SMCHD1: variants seen among roughly 807,000 people sequenced by gnomAD.
SMCHD1 encodes the protein structural maintenance of chromosomes flexible hinge domain containing 1.
SMCHD1 carries 78 observed loss-of-function variants against 254.7 expected under a neutral mutation model. The ratio of observed to expected loss-of-function variants is 0.31; its 90% CI spans 0.26 to 0.37. SMCHD1 has a LOEUF of 0.37. Ranked by LOEUF, SMCHD1 falls within the 10% of genes least tolerant of loss-of-function variation. The pLI is 1.00. For missense variants in SMCHD1, 1,840 were observed against 2,408.1 expected (o/e 0.76, Z 4.94); for synonymous variants, 766 against 794.9 (o/e 0.96, Z 0.61).
intron 7 of SMCHD1, among the ~76,000 whole-genome samples, chr18:2,693,898 T>C (rs536210110): frequency 6.6e-6 from 1 of 152,334 alleles, no homozygotes; most frequent in African/African-American, 2.4e-5. Flanking sequence ...CCCAAAGTGC[T>C]GGGATTACGG....
chr18:2,730,301 G>A (rs1402632223), intron 24 of SMCHD1, among the ~76,000 whole-genome samples: 1 of 152,118 alleles, frequency 6.6e-6, no homozygotes, highest in Non-Finnish European at 1.5e-5. Context: ...CTCCCCAGTA[G>A]CTGGGACTAC....
At chr18:2,726,555 A>T in intron 22 of SMCHD1, 31 bp downstream of exon 22, 2 of 1,075,642 alleles carry the variant, frequency 1.9e-6, no homozygotes, top group East Asian at 2.8e-5. Flanking sequence ...ATAATTATTT[A>T]AAATAATTTT....
Position 2,655,801 on chromosome 18 carries a change from C to A in SMCHD1, c.-275C>A. On this transcript the variant is annotated 5_prime_UTR_variant, in exon 1 of 48. Transcript: ENST00000320876. ...GGCGGCGATAGGCGCTGGGCCCGGG[C>A]CCGGTGAGGAGCGCGCCGCGCGTCC... The A allele has an allele frequency of 3.3e-6, 1 of 300,484 alleles. No individual in the cohort carries two copies. The highest frequency in any genetic ancestry group is 6.1e-6 in the Non-Finnish European group (1 of 163,622). The allele number at this position is 300,484 out of a possible 1,614,324, so 18.6% of individuals were successfully genotyped here.
intron 36 of SMCHD1, among the ~76,000 whole-genome samples, chr18:2,763,228 A>G (rs2075816266): frequency 6.6e-6 from 1 of 152,242 alleles, no homozygotes; most frequent in South Asian, 2.1e-4. Context: ...TAAGCACCGA[A>G]CATTGTGAGA....
At chr18:2,800,915 G>C (rs1479593595) in intron 47 of SMCHD1, 2 of 152,124 alleles carry the variant, frequency 1.3e-5, no homozygotes, top group African/African-American at 4.8e-5. Flanking sequence ...ATTTAGTAAA[G>C]AGACTAGACC....
Position 2,772,315 on chromosome 18 carries a change from T to A in SMCHD1, c.5118T>A (p.Pro1706=), listed in dbSNP as rs768832802. Residue 1706 remains proline (P), a synonymous_variant, in exon 41 of 48, where the codon CCT becomes CCA. Transcript: ENST00000320876. ...AACAAGAAGAACTGAAGAAAAAACC[T>A]AGAAGATCGTGTACTCTTCCAAACT... ...LSEQEELKKK[P]RRSCTLPNYT... 1 of 1,608,892 alleles carries A rather than the reference T, an allele frequency of 6.2e-7. No homozygotes were observed. Among genetic ancestry groups the A allele is most frequent in the African/African-American group, 1.3e-5 (1 of 74,672 alleles).
intron 20 of SMCHD1, 122 bp from the exon 21 acceptor site, chr18:2,724,777 A>G (rs1483155277): frequency 2.3e-6 from 1 of 442,956 alleles, no homozygotes; most frequent in Non-Finnish European, 3.9e-6. Context: ...TTAGTTTTTT[A>G]TATTTAAAAA....
intron 34 of SMCHD1, among the ~76,000 whole-genome samples, chr18:2,758,622 C>T (rs2075726127): frequency 6.6e-6 from 1 of 151,966 alleles, no homozygotes; most frequent in African/African-American, 2.4e-5. Context: ...TTATTTTTAC[C>T]TGAAAATATC....
At chr18:2,758,614 A>T (rs771169489) in intron 34 of SMCHD1, among the ~76,000 whole-genome samples, 1 of 151,996 alleles carries the variant, frequency 6.6e-6, no homozygotes, top group African/African-American at 2.4e-5. Context: ...GAATTATCTT[A>T]TTTTTACCTG....
At chr18:2,665,407 G>A (rs985087970) in intron 1 of SMCHD1, among the ~76,000 whole-genome samples, 3 of 151,456 alleles carry the variant, frequency 2.0e-5, no homozygotes, top group Non-Finnish European at 4.4e-5. Flanking sequence ...TGCAACCTCC[G>A]CCTCCCCAGT....
At chr18:2,683,767 A>G (rs1360630529) in intron 5 of SMCHD1, among the ~76,000 whole-genome samples, 1 of 152,126 alleles carries the variant, frequency 6.6e-6, no homozygotes, top group Admixed American at 6.5e-5. Flanking sequence ...TTTATTCATT[A>G]TGTAGTGTTG....
At chr18:2,737,841 T>C (rs949814448) in intron 25 of SMCHD1, among the ~76,000 whole-genome samples, 6 of 152,110 alleles carry the variant, frequency 3.9e-5, no homozygotes, top group Non-Finnish European at 7.4e-5. Context: ...AAGTACAGAG[T>C]AGAGCAAACA....
rs771294371 is a variant in SMCHD1 at position 2,743,842 on chromosome 18, C to A, written c.3715C>A (p.Arg1239Ser). 2.5e-6 allele frequency: 4 copies of A among 1,612,794 alleles called. No individual in the cohort carries two copies. Among genetic ancestry groups the A allele is most frequent in the Non-Finnish European group, 3.4e-6 (4 of 1,179,372 alleles). The change falls in exon 29 of 48, where the codon CGT becomes AGT. Residue 1239 changes from arginine (R) to serine (S), a missense_variant. Around this residue, in one of 9 missense-constraint regions of SMCHD1, gnomAD observed 881 missense variants for 1,009.5 expected, o/e 0.87. Transcript: ENST00000320876. ...PGNKDLCFTW[R>S]EFSDFIRVQL... is the part of the protein sequence containing the mutation. ...AAATAAGGATCTTTGTTTTACTTGGCGTGAGTTTTCTGACTTTATTCGAGT... is the reference window on the plus strand; with the variant it reads ...AAATAAGGATCTTTGTTTTACTTGGAGTGAGTTTTCTGACTTTATTCGAGT...
chr18:2,722,679 A>C lies in SMCHD1; in HGVS notation c.2603+16A>C. 1 of 1,600,714 alleles carries C rather than the reference A, an allele frequency of 6.2e-7. No individual in the cohort carries two copies. The highest frequency in any genetic ancestry group is 8.5e-7 in the Non-Finnish European group (1 of 1,175,122). On this transcript the variant is annotated intron_variant, in intron 20 of 47. Coordinates refer to ENST00000320876, the MANE Select transcript of SMCHD1 (RefSeq NM_015295.3). ...TTGAAGCAAGGTAATTTGAAGGATC[A>C]ATATGTATTTGTCCTTTGATATTTG...
At chr18:2,751,879 C>G (rs556227991) in intron 33 of SMCHD1, among the ~76,000 whole-genome samples, 1 of 152,140 alleles carries the variant, frequency 6.6e-6, no homozygotes, top group East Asian at 1.9e-4. Context: ...CCTAATATAT[C>G]AAAAGTTACC....
At chr18:2,678,219 TTC>T (rs2073804020) in intron 5 of SMCHD1, among the ~76,000 whole-genome samples, 2 of 30,166 alleles carry the variant, frequency 6.6e-5, no homozygotes, top group South Asian at 5.1e-3. Context: ...TTTTCTTTCT[TTC>T]TTTTTCTTTC....
chr18:2,767,543 T>G (rs1324211919), intron 37 of SMCHD1, among the ~76,000 whole-genome samples: 2 of 151,042 alleles, frequency 1.3e-5, no homozygotes, highest in Non-Finnish European at 2.9e-5. Context: ...CTAGGTGATA[T>G]AGCCTACTAT....
At chr18:2,693,970 A>G (rs2074236415) in intron 7 of SMCHD1, among the ~76,000 whole-genome samples, 1 of 152,086 alleles carries the variant, frequency 6.6e-6, no homozygotes, top group Non-Finnish European at 1.5e-5. Context: ...ACAGATGGAG[A>G]AGTTTGTAAT....
At chr18:2,692,698 A>G (rs1395950175) in intron 7 of SMCHD1, among the ~76,000 whole-genome samples, 1 of 152,082 alleles carries the variant, frequency 6.6e-6, no homozygotes, top group Non-Finnish European at 1.5e-5. Flanking sequence ...CTGGAATGTT[A>G]TTATTCAGTC....
Sources: allele counts gnomAD v4.1 joint callset (sites outside exome capture counted in the v4.1 genomes callset), GRCh38; gene constraint gnomAD v4.1.1; regional missense constraint gnomAD v4.1.1; transcripts MANE v1.5; gene names NCBI Gene and HGNC (gene_info 2026-07-23, HGNC 2026-07-21).